Variants in UBXN7 observed in about 807,000 individuals in gnomAD.
The protein encoded by UBXN7 is UBX domain-containing protein 7.
In UBXN7, 9 loss-of-function variants were observed where a neutral mutation model predicts 58.0. The ratio of observed to expected loss-of-function variants is 0.16; its 90% CI spans 0.09 to 0.27. UBXN7 has a LOEUF of 0.27. Among genes scored for constraint, UBXN7 ranks in the 10% least tolerant of loss-of-function variants. UBXN7 has a pLI of 1.00. For missense variants in UBXN7, 328 were observed against 599.6 expected (o/e 0.55, Z 4.73); for synonymous variants, 208 against 205.0 (o/e 1.01, Z -0.12).
intron 3 of UBXN7, among the ~76,000 whole-genome samples, chr3:196,393,977 T>C (rs1729664648): frequency 6.6e-6 from 1 of 152,284 alleles, no homozygotes; most frequent in East Asian, 1.9e-4. Flanking sequence ...ACAATAGACT[T>C]AATCAAACTT....
chr3:196,422,598 A>G (rs1016341561), intron 1 of UBXN7, among the ~76,000 whole-genome samples: 1 of 152,098 alleles, frequency 6.6e-6, no homozygotes, highest in South Asian at 2.1e-4. Flanking sequence ...TTTGTTGTCC[A>G]GGTTGGCGTC....
intron 5 of UBXN7, among the ~76,000 whole-genome samples, chr3:196,385,325 G>A (rs1729343480): frequency 6.6e-6 from 1 of 152,198 alleles, no homozygotes; most frequent in Non-Finnish European, 1.5e-5. Context: ...CCAGGCTGAA[G>A]TGCAGTGGCG....
At chr3:196,425,276 CACTA>C (rs1414461914) in intron 1 of UBXN7, among the ~76,000 whole-genome samples, 2 of 151,990 alleles carry the variant, frequency 1.3e-5, no homozygotes, top group East Asian at 1.9e-4. Context: ...ACTTCTCCGC[CACTA>C]ACTTTTTTCA....
intron 3 of UBXN7, among the ~76,000 whole-genome samples, chr3:196,399,124 A>C (rs1053116930): frequency 3.9e-5 from 6 of 152,182 alleles, no homozygotes; most frequent in African/African-American, 1.4e-4. Flanking sequence ...CTACTCTAAC[A>C]ATCACACAAG....
At chr3:196,402,650 T>A (rs1004140860) in intron 3 of UBXN7, among the ~76,000 whole-genome samples, 1 of 152,190 alleles carries the variant, frequency 6.6e-6, no homozygotes, top group South Asian at 2.1e-4. Context: ...GATATGGCAG[T>A]CAAGTAGGTA....
At chr3:196,425,082 C>A (rs1011591935) in intron 1 of UBXN7, among the ~76,000 whole-genome samples, 1 of 152,190 alleles carries the variant, frequency 6.6e-6, no homozygotes, top group Admixed American at 6.6e-5. Context: ...TCTGCTTCAA[C>A]AGCTCCATCT....
Position 196,352,918 on chromosome 3 carries a change from A to T in UBXN7, c.*3767T>A, listed in dbSNP as rs931953852. The T allele has an allele frequency of 2.6e-5, 4 of 152,206 alleles. No homozygotes were observed. The highest frequency in any genetic ancestry group is 9.6e-5 in the African/African-American group (4 of 41,454). 9.4% of individuals were successfully genotyped at this position (152,206 alleles called of 1,614,324 possible). ...TCTGAAAAATGTTTAAAAAAAGAAA[A>T]AATTGTTTTTTTACCCTTTTCATTT... On this transcript the variant is annotated 3_prime_UTR_variant, in exon 11 of 11. Transcript: ENST00000296328. The surrounding 1 kb of genome is among the most constrained non-coding windows in gnomAD (Gnocchi z 4.1).
chr3:196,391,725 C>T (rs908023154), intron 5 of UBXN7, 88 bp downstream of exon 5: 3 of 970,454 alleles, frequency 3.1e-6, no homozygotes, highest in South Asian at 1.5e-5. Context: ...CAGAGCGAGA[C>T]CTGCTCTAAA....
At chr3:196,404,604 T>A (rs1577466602) in intron 2 of UBXN7, among the ~76,000 whole-genome samples, 2 of 152,194 alleles carry the variant, frequency 1.3e-5, no homozygotes, top group African/African-American at 4.8e-5. Flanking sequence ...TAACTAAAGA[T>A]CTTGTTTTTG....
chr3:196,369,569 A>C, intron 6 of UBXN7, 58 bp from the exon 7 acceptor site: 1 of 1,231,512 alleles, frequency 8.1e-7, no homozygotes, highest in Non-Finnish European at 1.2e-6. Context: ...ACCAACTATA[A>C]CCTTCTTATA....
intron 5 of UBXN7, among the ~76,000 whole-genome samples, chr3:196,380,761 C>T (rs186339640): frequency 4.6e-5 from 7 of 152,340 alleles, no homozygotes; most frequent in East Asian, 1.9e-4. Flanking sequence ...TCTGGAAAAA[C>T]GGGGCACTCC....
intron 5 of UBXN7, among the ~76,000 whole-genome samples, chr3:196,376,888 A>G (rs942445633): frequency 6.6e-6 from 1 of 151,740 alleles, no homozygotes; most frequent in African/African-American, 2.4e-5. Flanking sequence ...TCTACAAAAA[A>G]TACAAAATTT....
chr3:196,415,817 C>T (rs1560241567), intron 1 of UBXN7, among the ~76,000 whole-genome samples: 2 of 151,834 alleles, frequency 1.3e-5, no homozygotes, highest in Non-Finnish European at 2.9e-5. Context: ...TGTGCTCTAC[C>T]ATTTTAATTT....
intron 1 of UBXN7, among the ~76,000 whole-genome samples, chr3:196,421,397 C>G (rs1730678230): frequency 6.6e-6 from 1 of 152,174 alleles, no homozygotes; most frequent in Admixed American, 6.6e-5. Flanking sequence ...CCAGTGGAAG[C>G]ATTCAGAAAC....
At chr3:196,430,092 C>T (rs1225480603) in intron 1 of UBXN7, among the ~76,000 whole-genome samples, 3 of 152,066 alleles carry the variant, frequency 2.0e-5, no homozygotes, top group African/African-American at 7.2e-5. Flanking sequence ...CGGTGGCTCA[C>T]GCCTGTAATC....
At chr3:196,400,500 A>T (rs1291197423) in intron 3 of UBXN7, 1 of 156,936 alleles carries the variant, frequency 6.4e-6, no homozygotes, top group Non-Finnish European at 1.4e-5. Context: ...CCGTAACTCC[A>T]ATATGGGCCA....
At chr3:196,402,348 T>G (rs1730021321) in intron 3 of UBXN7, among the ~76,000 whole-genome samples, 1 of 152,242 alleles carries the variant, frequency 6.6e-6, no homozygotes, top group South Asian at 2.1e-4. Flanking sequence ...CTGTTCTCAA[T>G]ATATACTATA....
At chr3:196,377,735 C>T (rs1324207031) in intron 5 of UBXN7, among the ~76,000 whole-genome samples, 1 of 152,122 alleles carries the variant, frequency 6.6e-6, no homozygotes, top group African/African-American at 2.4e-5. Flanking sequence ...GGCACCACCA[C>T]AGCTCACTGC....
chr3:196,411,254 T>C (rs1433064228), intron 1 of UBXN7, among the ~76,000 whole-genome samples: 1 of 152,234 alleles, frequency 6.6e-6, no homozygotes, highest in East Asian at 1.9e-4. Context: ...TTTGCTTGCA[T>C]GTGATCAATG....
Sources: allele counts gnomAD v4.1 joint callset (sites outside exome capture counted in the v4.1 genomes callset), GRCh38; gene constraint gnomAD v4.1.1; non-coding constraint Gnocchi (gnomAD v3.1); transcripts MANE v1.5; gene names NCBI Gene and HGNC (gene_info 2026-07-23, HGNC 2026-07-21).